The following NRP2 variants were observed in gnomAD, a reference collection of about 807,000 sequenced individuals.
NRP2 encodes neuropilin-2.
A neutral mutation model predicts 110.4 loss-of-function variants in NRP2; 52 were observed. The observed-to-expected ratio is 0.47, with a 90% CI of 0.38 to 0.59. The LOEUF (loss-of-function observed/expected upper bound fraction) is 0.59, where lower values mean the gene tolerates loss of function less well. NRP2 is among the 20% of genes least tolerant of loss of function. The probability of loss-of-function intolerance (pLI) is 0.00; values close to 1 mark genes in which losing one functional copy is unlikely to be tolerated. For synonymous variants in NRP2, 508 were observed against 468.9 expected, an observed-to-expected ratio of 1.08 and a Z score of -1.08; for missense variants, 1,049 against 1,203.0, an observed-to-expected ratio of 0.87 and a Z score of 1.89.
chr2:205,734,586 G>A (rs968887009), intron 7 of NRP2, among the ~76,000 whole-genome samples: 1 of 152,156 alleles, frequency 6.6e-6, no homozygotes, highest in East Asian at 1.9e-4. Flanking sequence ...TGCAGTCAGG[G>A]TGAGCGGATG....
At chr2:205,718,318 A>T (rs1020907048) in intron 3 of NRP2, among the ~76,000 whole-genome samples, 1 of 152,260 alleles carries the variant, frequency 6.6e-6, no homozygotes, top group Non-Finnish European at 1.5e-5. Context: ...ATATTAAAAG[A>T]TAAAACATGT....
chr2:205,733,656 G>T (rs1276892782), intron 7 of NRP2, among the ~76,000 whole-genome samples: 1 of 152,054 alleles, frequency 6.6e-6, no homozygotes, highest in Admixed American at 6.5e-5. Context: ...AGGTTTCCAG[G>T]GGTGGAGGGC....
At chr2:205,776,644 C>T (rs1281701107) in intron 15 of NRP2, 4 of 1,577,374 alleles carry the variant, frequency 2.5e-6, no homozygotes, top group Admixed American at 1.8e-5. Flanking sequence ...ATCTCTTTCC[C>T]GGATCCCCAA....
In NRP2 at chr2:205,796,412, A is replaced by G. The variant is rs988625205; in HGVS notation, c.*1354A>G. The G allele has an allele frequency of 2.0e-5, 3 of 152,538 alleles. No individual in the cohort carries two copies. The highest frequency in any genetic ancestry group is 7.2e-5 in the African/African-American group (3 of 41,392). 9.4% of individuals were successfully genotyped at this position (152,538 alleles called of 1,614,324 possible). A position where few individuals can be genotyped will look rare whatever the true frequency, so the allele number is the denominator to read the frequency against. On this transcript the variant is annotated 3_prime_UTR_variant, in exon 17 of 17. Coordinates refer to ENST00000357785, the MANE Select transcript of NRP2 (RefSeq NM_003872.3). ...GGTTCTTACACATATGCACACACGC[A>G]TACACACATGCACGCACACACACAT... is the stretch of plus-strand genomic sequence containing the variant.
rs373608614 is a variant in NRP2, at chr2:205,776,233, G to A, written c.2425+9430G>A. On this transcript the variant is annotated intron_variant, in intron 15 of 16. Coordinates refer to ENST00000357785, the MANE Select transcript of NRP2 (RefSeq NM_003872.3). ...TCTCAGCCTAGCAACACTCTTCTGT[G>A]TCTCTCCACCAGGGGGCACCCTCCT... is the stretch of plus-strand genomic sequence containing the variant. 60 of 1,610,678 alleles carry A rather than the reference G, an allele frequency of 3.7e-5. No homozygotes were observed. The African/African-American group carries it at 7.7e-4, about 21-fold the overall frequency.
rs2058201929 is a variant in NRP2 at position 205,783,618 on chromosome 2, T to C, written c.2426-8617T>C. On this transcript the variant is annotated intron_variant, in intron 15 of 16. Coordinates refer to ENST00000357785, the MANE Select transcript of NRP2 (RefSeq NM_003872.3). ...CTTCTGAGGAAGTTCAGGGCTGCAATACCCAAAGGAAAGGCACTAGGCAGT... is the reference window on the plus strand; with the variant it reads ...CTTCTGAGGAAGTTCAGGGCTGCAACACCCAAAGGAAAGGCACTAGGCAGT... 2.0e-5 allele frequency among the ~76,000 whole-genome samples: 3 copies of C among 152,142 alleles called. 1 individual carries two copies. In the South Asian group the frequency reaches 6.2e-4, roughly 32 times the overall value.
Position 205,795,121 on chromosome 2 carries a change from T to G in NRP2, c.*63T>G, listed in dbSNP as rs1226668185. On this transcript the variant is annotated 3_prime_UTR_variant, in exon 17 of 17. Coordinates refer to ENST00000357785, the MANE Select transcript of NRP2 (RefSeq NM_003872.3). ...GCAAGAGGGGCTGGGGAAGATTACA[T>G]TTTTTTTTCCTTTGGAAACTGAATG... 2 of 1,433,766 alleles carry G rather than the reference T, an allele frequency of 1.4e-6. No individual in the cohort carries two copies. Among genetic ancestry groups the G allele is most frequent in the Admixed American group, 1.9e-5 (1 of 52,734 alleles). 88.8% of individuals were successfully genotyped at this position (1,433,766 alleles called of 1,614,324 possible).
intron 15 of NRP2, chr2:205,776,995 G>T: frequency 9.5e-7 from 1 of 1,049,822 alleles, no homozygotes; most frequent in Non-Finnish European, 1.2e-6. Context: ...TGAGAGAGCG[G>T]CTGGTTCATT....
At chr2:205,746,605 C>T (rs1007576957) in intron 10 of NRP2, among the ~76,000 whole-genome samples, 1 of 152,188 alleles carries the variant, frequency 6.6e-6, no homozygotes, top group African/African-American at 2.4e-5. Flanking sequence ...AGAGCTCACT[C>T]ACTGCCTGCC....
At chr2:205,785,865 A>C (rs865964709) in intron 15 of NRP2, among the ~76,000 whole-genome samples, 1 of 152,240 alleles carries the variant, frequency 6.6e-6, no homozygotes, top group African/African-American at 2.4e-5. Context: ...GCTAAATTCA[A>C]GATCAAACTC....
chr2:205,697,652 C>T lies in NRP2; in HGVS notation c.182C>T (p.Ala61Val), dbSNP rs773503760. Residue 61 changes from alanine to valine, a missense_variant, in exon 2 of 17, where the codon GCC becomes GTC. Coordinates refer to ENST00000357785, the MANE Select transcript of NRP2 (RefSeq NM_003872.3). Reference sequence around the variant, plus strand: ...CAGAACTGCGAGTGGATTGTTTACGCCCCCGAACCCAACCAGAAGATTGTC... The same window carrying T: ...CAGAACTGCGAGTGGATTGTTTACGTCCCCGAACCCAACCAGAAGATTGTC... ...SHQNCEWIVY[A>V]PEPNQKIVLN... 1 of 1,613,970 alleles carries T rather than the reference C, an allele frequency of 6.2e-7. No individual in the cohort carries two copies. Among genetic ancestry groups the T allele is most frequent in the Non-Finnish European group, 8.5e-7 (1 of 1,179,990 alleles).
chr2:205,693,552 A>C, intron 1 of NRP2, among the ~76,000 whole-genome samples: 1 of 152,182 alleles, frequency 6.6e-6, no homozygotes, highest in Non-Finnish European at 1.5e-5. Flanking sequence ...CAAAAAAAGC[A>C]AATAAATTTG....
At chr2:205,761,082 G>T (rs959289638) in intron 12 of NRP2, among the ~76,000 whole-genome samples, 2 of 152,196 alleles carry the variant, frequency 1.3e-5, no homozygotes, top group Non-Finnish European at 2.9e-5. Flanking sequence ...CATTACTGGT[G>T]CACCTCACCT....
chr2:205,722,671 G>A lies in NRP2; in HGVS notation c.627G>A (p.Lys209=). Residue 209 remains lysine (K), a synonymous_variant, in exon 4 of 17, where the codon AAG becomes AAA. Transcript: ENST00000357785. ...DPLQVGEGDC[K]YDWLDIWDGI... is the part of the protein sequence containing the mutation. ...TGCAGGTGGGAGAGGGGGACTGCAAGTACGATTGGCTGGACATCTGGGATG... is the reference window on the plus strand; with the variant it reads ...TGCAGGTGGGAGAGGGGGACTGCAAATACGATTGGCTGGACATCTGGGATG... 1 of 1,614,184 alleles carries A rather than the reference G, an allele frequency of 6.2e-7. No individual in the cohort carries two copies.
At chr2:205,766,654 T>C in intron 14 of NRP2, 129 bp from the exon 15 acceptor site, 1 of 807,190 alleles carries the variant, frequency 1.2e-6, no homozygotes, top group Admixed American at 1.9e-5. Context: ...GGGGGCCCTC[T>C]CCATGGAGTG....
At chr2:205,756,516 T>G (rs1338047294) in intron 12 of NRP2, 1 of 152,230 alleles carries the variant, frequency 6.6e-6, no homozygotes, top group African/African-American at 2.4e-5. Flanking sequence ...TTAATTAAAA[T>G]GATTACAGCC....
chr2:205,730,131 C>T (rs775988862), intron 7 of NRP2, among the ~76,000 whole-genome samples: 6 of 152,198 alleles, frequency 3.9e-5, no homozygotes, highest in Admixed American at 2.0e-4. Flanking sequence ...CACCCCACTG[C>T]GGGTGTGGTG....
At chr2:205,705,499 C>G (rs2056655643) in intron 2 of NRP2, among the ~76,000 whole-genome samples, 1 of 152,194 alleles carries the variant, frequency 6.6e-6, no homozygotes, top group African/African-American at 2.4e-5. Flanking sequence ...GCTTTGTAGC[C>G]AAGCATCTTG....
At chr2:205,705,020 G>A (rs2105760390) in intron 2 of NRP2, among the ~76,000 whole-genome samples, 1 of 152,270 alleles carries the variant, frequency 6.6e-6, no homozygotes, top group East Asian at 1.9e-4. Flanking sequence ...TTTCTAAAAA[G>A]GGATTTGTGT....
Sources: gnomAD v4.1 joint callset for allele counts (sites outside exome capture counted in the v4.1 genomes callset) on GRCh38, gnomAD v4.1.1 for gene constraint, MANE v1.5 for transcripts, NCBI Gene and HGNC (gene_info 2026-07-23, HGNC 2026-07-21) for gene names.